The following SLC14A2 variants were observed in gnomAD, a reference collection of about 807,000 sequenced individuals.
SLC14A2 encodes urea transporter 2.
Under a neutral mutation model 104.6 loss-of-function variants are expected in SLC14A2, and 91 were observed. The observed-to-expected ratio is 0.87, with a 90% CI of 0.73 to 1.04. The LOEUF is 1.04. SLC14A2 is among the 50% of genes least tolerant of loss of function. SLC14A2 has a pLI of 0.00. For missense variants in SLC14A2, 1,189 were observed against 1,156.0 expected, an observed-to-expected ratio of 1.03 and a Z score of -0.41; for synonymous variants, 476 against 466.4, an observed-to-expected ratio of 1.02 and a Z score of -0.27.
intron 2 of SLC14A2, among the ~76,000 whole-genome samples, chr18:45,560,534 A>G (rs933681351): frequency 6.6e-6 from 1 of 152,278 alleles, no homozygotes; most frequent in Non-Finnish European, 1.5e-5. Context: ...TTGATTCCAG[A>G]TATCTCCCCT....
At chr18:45,635,897 AGCAGGGAT>A (rs1267484478) in intron 5 of SLC14A2, among the ~76,000 whole-genome samples, 1 of 152,230 alleles carries the variant, frequency 6.6e-6, no homozygotes, top group African/African-American at 2.4e-5. Context: ...CTGATGAAGG[AGCAGGGAT>A]GCTTCCATTA....
At chr18:45,464,184 A>T (rs2087097781) in intron 1 of SLC14A2, among the ~76,000 whole-genome samples, 1 of 152,222 alleles carries the variant, frequency 6.6e-6, no homozygotes. Flanking sequence ...ACATTTCCTC[A>T]GGAACCTAAA....
At chr18:45,603,720 C>G (rs2044824196) in intron 2 of SLC14A2, among the ~76,000 whole-genome samples, 1 of 152,162 alleles carries the variant, frequency 6.6e-6, no homozygotes, top group Non-Finnish European at 1.5e-5. Flanking sequence ...GTGGAGGAAT[C>G]ATCTAATAGA....
intron 1 of SLC14A2, among the ~76,000 whole-genome samples, chr18:45,346,404 G>T (rs1046451966): frequency 4.6e-5 from 7 of 152,090 alleles, no homozygotes; most frequent in Non-Finnish European, 7.4e-5. Flanking sequence ...GGACCTACCC[G>T]CCTCGGCCTC....
At position 45,638,835 on chromosome 18, in the gene SLC14A2, G is replaced by A. The variant is rs2045468187; in HGVS notation, c.844-911G>A. 2.6e-5 allele frequency among the ~76,000 whole-genome samples: 4 copies of A among 152,308 alleles called. No individual in the cohort carries two copies. In the South Asian group the frequency reaches 8.3e-4, roughly 32 times the overall value. On this transcript the variant is annotated intron_variant, in intron 6 of 19. Transcript: ENST00000255226. ...CAGACGAGGATGTGACATGCTCACA[G>A]TCACACAGTGAACTGTGCAGAGCCC...
intron 1 of SLC14A2, among the ~76,000 whole-genome samples, chr18:45,458,671 T>G (rs1354772973): frequency 1.3e-5 from 2 of 152,174 alleles, no homozygotes; most frequent in East Asian, 3.9e-4. Context: ...TAGTCCAGCC[T>G]CCTCTTTTCA....
intron 1 of SLC14A2, among the ~76,000 whole-genome samples, chr18:45,250,745 T>A: frequency 6.9e-6 from 1 of 145,112 alleles, no homozygotes; most frequent in East Asian, 2.1e-4. Flanking sequence ...CTCTGGCTAG[T>A]GGCTTCTTCC....
At chr18:45,347,629 A>G (rs1433185832) in intron 1 of SLC14A2, among the ~76,000 whole-genome samples, 1 of 152,204 alleles carries the variant, frequency 6.6e-6, no homozygotes, top group East Asian at 1.9e-4. Flanking sequence ...TCTGGTTATA[A>G]TAACTACAGC....
At chr18:45,267,827 G>A (rs1360400438) in intron 1 of SLC14A2, among the ~76,000 whole-genome samples, 1 of 152,154 alleles carries the variant, frequency 6.6e-6, no homozygotes, top group Non-Finnish European at 1.5e-5. Flanking sequence ...GACTGTGATG[G>A]AAACTGGATC....
chr18:45,442,507 G>A (rs1293085923), intron 1 of SLC14A2, among the ~76,000 whole-genome samples: 2 of 152,048 alleles, frequency 1.3e-5, no homozygotes, highest in African/African-American at 4.8e-5. Flanking sequence ...TTCTCCCTTT[G>A]TGTATGTCTC....
chr18:45,372,853 AATATGT>A (rs2085737531), intron 1 of SLC14A2, among the ~76,000 whole-genome samples: 1 of 152,254 alleles, frequency 6.6e-6, no homozygotes, highest in Non-Finnish European at 1.5e-5. Flanking sequence ...TATTAAATCT[AATATGT>A]ATATAATGTT....
At chr18:45,343,326 G>A (rs752024457) in intron 1 of SLC14A2, among the ~76,000 whole-genome samples, 6 of 152,058 alleles carry the variant, frequency 3.9e-5, no homozygotes, top group Non-Finnish European at 8.8e-5. Flanking sequence ...GTGCCTGCCA[G>A]TATGTAGTTT....
chr18:45,177,821 G>A, the SLC14A2 span, among the ~76,000 whole-genome samples: 2 of 152,164 alleles, frequency 1.3e-5, no homozygotes, highest in Non-Finnish European at 2.9e-5. Flanking sequence ...TTACTAAATA[G>A]CCATTTGTTT....
intron 2 of SLC14A2, chr18:45,515,677 A>G (rs1226450737): frequency 1.3e-5 from 2 of 152,322 alleles, no homozygotes; most frequent in African/African-American, 4.8e-5. Context: ...CGCATAGCCC[A>G]GCCAACACTC....
At chr18:45,192,674 T>C in the SLC14A2 span, among the ~76,000 whole-genome samples, 1 of 152,030 alleles carries the variant, frequency 6.6e-6, no homozygotes, top group South Asian at 2.1e-4. Flanking sequence ...TTTGTTTTTT[T>C]GAGATGGAGT....
chr18:45,557,392 G>A (rs1390144108), intron 2 of SLC14A2, among the ~76,000 whole-genome samples: 1 of 152,232 alleles, frequency 6.6e-6, no homozygotes, highest in African/African-American at 2.4e-5. Flanking sequence ...AAGCCAGGCT[G>A]CCAGGCTCCA....
intron 2 of SLC14A2, among the ~76,000 whole-genome samples, chr18:45,539,387 C>T (rs1283919232): frequency 6.6e-6 from 1 of 152,214 alleles, no homozygotes; most frequent in Non-Finnish European, 1.5e-5. Flanking sequence ...ACAGAGGATG[C>T]TCACTGCCAT....
intron 1 of SLC14A2, among the ~76,000 whole-genome samples, chr18:45,450,458 G>C (rs576366767): frequency 1.3e-5 from 2 of 152,192 alleles, no homozygotes; most frequent in South Asian, 4.1e-4. Context: ...CAGCAGGGAT[G>C]GGAGAGGGGT....
At chr18:45,449,862 C>T (rs2086830227) in intron 1 of SLC14A2, among the ~76,000 whole-genome samples, 1 of 152,120 alleles carries the variant, frequency 6.6e-6, no homozygotes, top group Non-Finnish European at 1.5e-5. Context: ...TTCTAGGCGA[C>T]CAACAGATTG....
Sources: gnomAD v4.1 joint callset for allele counts (sites outside exome capture counted in the v4.1 genomes callset) on GRCh38, gnomAD v4.1.1 for gene constraint, MANE v1.5 for transcripts, NCBI Gene and HGNC (gene_info 2026-07-23, HGNC 2026-07-21) for gene names.